Variants in BAZ1A observed in about 807,000 individuals in gnomAD.
BAZ1A encodes the protein bromodomain adjacent to zinc finger domain protein 1A.
In BAZ1A, 50 loss-of-function variants were observed where a neutral mutation model predicts 185.2. The observed-to-expected ratio is 0.27, with a 90% CI of 0.22 to 0.34. The LOEUF (loss-of-function observed/expected upper bound fraction) is 0.34. Among genes scored for constraint, BAZ1A ranks in the 10% least tolerant of loss-of-function variants. BAZ1A has a pLI of 1.00. For synonymous variants in BAZ1A, 571 were observed against 615.6 expected (o/e 0.93, Z 1.07); for missense variants, 1,356 against 1,839.9 (o/e 0.74, Z 4.81).
chr14:34,761,048 G>A (rs1426032386), intron 24 of BAZ1A, among the ~76,000 whole-genome samples: 1 of 152,100 alleles, frequency 6.6e-6, no homozygotes, highest in Non-Finnish European at 1.5e-5. Flanking sequence ...GGATGCCGAG[G>A]TGGGTGGATC....
At chr14:34,856,471 G>A (rs1235290256) in intron 3 of BAZ1A, among the ~76,000 whole-genome samples, 5 of 152,028 alleles carry the variant, frequency 3.3e-5, no homozygotes, top group Non-Finnish European at 7.4e-5. Context: ...AATTTTTGTA[G>A]AGACAGGGTC....
chr14:34,846,903 A>G (rs556898846), intron 3 of BAZ1A, among the ~76,000 whole-genome samples: 1 of 152,340 alleles, frequency 6.6e-6, no homozygotes, highest in South Asian at 2.1e-4. Context: ...AAAAAATTAA[A>G]AATAATTTTT....
intron 12 of BAZ1A, among the ~76,000 whole-genome samples, chr14:34,787,715 A>G (rs1880575923): frequency 6.6e-6 from 1 of 152,138 alleles, no homozygotes; most frequent in African/African-American, 2.4e-5. Flanking sequence ...CAAAAACACA[A>G]TAGGAAGATT....
intron 3 of BAZ1A, among the ~76,000 whole-genome samples, chr14:34,826,866 G>C (rs1480088795): frequency 2.6e-5 from 4 of 152,202 alleles, no homozygotes; most frequent in African/African-American, 9.6e-5. Context: ...GACTGAGTCA[G>C]GGAAGATTCT....
At chr14:34,845,622 A>G (rs1311194522) in intron 3 of BAZ1A, among the ~76,000 whole-genome samples, 1 of 152,164 alleles carries the variant, frequency 6.6e-6, no homozygotes, top group Non-Finnish European at 1.5e-5. Context: ...ACACTTTGGG[A>G]GGCCGAGGTG....
chr14:34,873,557 C>A (rs2042986360), intron 2 of BAZ1A, among the ~76,000 whole-genome samples: 1 of 152,180 alleles, frequency 6.6e-6, no homozygotes, highest in Non-Finnish European at 1.5e-5. Flanking sequence ...TGTCAGGCAG[C>A]CCACATGCGC....
chr14:34,831,759 T>C (rs897017720), intron 3 of BAZ1A, among the ~76,000 whole-genome samples: 1 of 152,188 alleles, frequency 6.6e-6, no homozygotes, highest in African/African-American at 2.4e-5. Context: ...TTTACATAAG[T>C]TCAATTAAAT....
intron 24 of BAZ1A, among the ~76,000 whole-genome samples, chr14:34,760,076 G>A (rs1208848302): frequency 6.6e-6 from 1 of 152,168 alleles, no homozygotes; most frequent in African/African-American, 2.4e-5. Flanking sequence ...TATATGCATT[G>A]GTAGAAAGGG....
rs368712152 is a variant in BAZ1A at position 34,816,357 on chromosome 14, G to A, written c.537-5321C>T. On this transcript the variant is annotated intron_variant, in intron 4 of 26. Coordinates refer to ENST00000360310, the MANE Select transcript of BAZ1A (RefSeq NM_013448.3). ...CCGCCCTGGCCTCCCAAAGTGCTGA[G>A]ATTTATAGGCGTGAGCCACCACGCC... Among the ~76,000 whole-genome samples, 24 of 152,228 alleles carry A rather than the reference G, an allele frequency of 1.6e-4. No individual in the cohort carries two copies. The East Asian group carries it at 3.3e-3, about 21-fold the overall frequency.
At chr14:34,764,676 C>T (rs896720190) in intron 23 of BAZ1A, 31 bp downstream of exon 23, 1 of 1,565,684 alleles carries the variant, frequency 6.4e-7, no homozygotes, top group South Asian at 1.2e-5. Context: ...CTAAGACTTA[C>T]TGACTCATTT....
At chr14:34,832,191 T>TATATACAC (rs1555343240) in intron 3 of BAZ1A, among the ~76,000 whole-genome samples, 1 of 96,564 alleles carries the variant, frequency 1.0e-5, no homozygotes, top group Non-Finnish European at 2.2e-5. Flanking sequence ...TATATACATA[T>TATATACAC]ACACACACAC....
chr14:34,790,312 A>G (rs1011862985), intron 12 of BAZ1A, among the ~76,000 whole-genome samples: 8 of 152,038 alleles, frequency 5.3e-5, no homozygotes, highest in South Asian at 4.2e-4. Context: ...CTGGGGCTAT[A>G]GGCTGCACCA....
At chr14:34,836,215 T>C (rs1200346017) in intron 3 of BAZ1A, among the ~76,000 whole-genome samples, 1 of 69,526 alleles carries the variant, frequency 1.4e-5, no homozygotes, top group African/African-American at 4.8e-5. Context: ...CCGTCTCTAC[T>C]AAAAATACAA....
intron 2 of BAZ1A, among the ~76,000 whole-genome samples, chr14:34,869,333 G>A (rs1355251091): frequency 1.3e-5 from 2 of 152,146 alleles, no homozygotes; most frequent in Non-Finnish European, 2.9e-5. Flanking sequence ...CACATGTGCA[G>A]AGAGATCCTA....
intron 3 of BAZ1A, among the ~76,000 whole-genome samples, chr14:34,842,608 A>G (rs1470657019): frequency 6.6e-6 from 1 of 152,088 alleles, no homozygotes; most frequent in African/African-American, 2.4e-5. Context: ...ATTATAAAAT[A>G]GTCAAGTAAA....
At chr14:34,852,133 A>T (rs990290745) in intron 3 of BAZ1A, among the ~76,000 whole-genome samples, 3 of 151,972 alleles carry the variant, frequency 2.0e-5, no homozygotes, top group Non-Finnish European at 4.4e-5. Flanking sequence ...TCTCAAAGAA[A>T]AAAAAAAAGA....
intron 3 of BAZ1A, among the ~76,000 whole-genome samples, chr14:34,832,193 C>T (rs10149606): frequency 0.024 from 1,533 of 63,498 alleles, 29 homozygotes; most frequent in Non-Finnish European, 0.039. Flanking sequence ...TATACATATA[C>T]ACACACACAC....
intron 11 of BAZ1A, among the ~76,000 whole-genome samples, chr14:34,793,280 G>A (rs1880968515): frequency 6.6e-6 from 1 of 152,086 alleles, no homozygotes; most frequent in South Asian, 2.1e-4. Context: ...TGTTCCTGAG[G>A]GCTATGTATG....
At chr14:34,796,262 C>A (rs1381953092) in intron 9 of BAZ1A, among the ~76,000 whole-genome samples, 2 of 151,952 alleles carry the variant, frequency 1.3e-5, no homozygotes, top group Non-Finnish European at 2.9e-5. Flanking sequence ...GCAGAAGAAG[C>A]CTTGAACCCG....
Sources: gnomAD v4.1 joint callset for allele counts (sites outside exome capture counted in the v4.1 genomes callset) on GRCh38, gnomAD v4.1.1 for gene constraint, MANE v1.5 for transcripts, NCBI Gene and HGNC (gene_info 2026-07-23, HGNC 2026-07-21) for gene names.